CCT5: variants seen among roughly 807,000 people sequenced by gnomAD.
The protein encoded by CCT5 is chaperonin containing TCP1 subunit 5, also known as T-complex protein 1 subunit epsilon.
In CCT5, 6 loss-of-function variants were observed where a neutral mutation model predicts 55.0. The ratio of observed to expected loss-of-function variants is 0.11; its 90% CI spans 0.06 to 0.22. CCT5 has a LOEUF of 0.22. Ranked by LOEUF, CCT5 falls within the 10% of genes least tolerant of loss-of-function variation. The pLI is 1.00. For synonymous variants in CCT5, 231 were observed against 243.7 expected (o/e 0.95, Z 0.49); for missense variants, 560 against 694.6 (o/e 0.81, Z 2.18).
chr5:10,258,669 G>C, intron 6 of CCT5, 134 bp downstream of exon 6: 1 of 802,594 alleles, frequency 1.2e-6, no homozygotes, highest in Non-Finnish European at 2.1e-6. Flanking sequence ...GCATAGAAAG[G>C]CATAAACAGG....
At chr5:10,257,855 A>G (rs1745758875) in intron 4 of CCT5, 1 of 532,008 alleles carries the variant, frequency 1.9e-6, no homozygotes, top group Non-Finnish European at 3.4e-6. Context: ...ATGGAAGGAA[A>G]TAGTAAATTT....
In CCT5 at chr5:10,265,639, A is replaced by C. The variant is rs72738998; in HGVS notation, c.*856A>C. 0.028 allele frequency: 4,228 copies of C among 152,222 alleles called. 68 individuals carry two copies. Among genetic ancestry groups the C allele is most frequent in the Middle Eastern group, 0.058 (17 of 294 alleles). 9.4% of individuals were successfully genotyped at this position (152,222 alleles called of 1,614,324 possible). A position where few individuals can be genotyped will look rare whatever the true frequency, so the allele number is the denominator to read the frequency against. The stretch of plus-strand genomic sequence containing the variant: ...GATTGTCTGTTCTGACAACCCAGTG[A>C]GGCAGATACACTTTCTTACTGCTCA... On this transcript the variant is annotated 3_prime_UTR_variant, in exon 11 of 11. Transcript: ENST00000280326.
intron 3 of CCT5, 42 bp downstream of exon 3, chr5:10,254,880 A>T (rs375354833): frequency 6.5e-7 from 1 of 1,534,298 alleles, no homozygotes; most frequent in South Asian, 1.1e-5. Flanking sequence ...AAGAGACGTC[A>T]TTTAAGACCA....
At chr5:10,256,713 G>T (rs997373815) in intron 4 of CCT5, among the ~76,000 whole-genome samples, 1 of 149,408 alleles carries the variant, frequency 6.7e-6, no homozygotes, top group African/African-American at 2.4e-5. Context: ...CAACTAGAAA[G>T]GGTCCTACCT....
intron 1 of CCT5, 106 bp downstream of exon 1, chr5:10,250,551 A>G (rs1745330557): frequency 4.6e-6 from 7 of 1,536,924 alleles, no homozygotes; most frequent in Non-Finnish European, 6.1e-6. Context: ...GCTCCCCGGA[A>G]AGGTCGAGAA....
upstream of CCT5, chr5:10,249,928 A>AAAAAAC: frequency 3.4e-6 from 3 of 883,182 alleles, no homozygotes; most frequent in Non-Finnish European, 2.8e-6. Context: ...AAAAAAAAAA[A>AAAAAAC]AAAAAACCGG....
intron 1 of CCT5, chr5:10,250,886 T>G: frequency 1.9e-6 from 2 of 1,040,278 alleles, no homozygotes; most frequent in Non-Finnish European, 2.3e-6. Flanking sequence ...TCTTTGTCAC[T>G]CGTAAAGGTG....
chr5:10,261,923 A>G (rs550566762), intron 8 of CCT5, 178 bp downstream of exon 8: 52 of 686,246 alleles, frequency 7.6e-5, no homozygotes, highest in Admixed American at 2.7e-4. Flanking sequence ...TAATTTCACA[A>G]GGCACATTTG....
rs567198552 is a variant in CCT5 at position 10,253,671 on chromosome 5, T to C, written c.106-474T>C. ...TCTGCAGATGGGGAACCCGCAGATGTACAAGCCTAGATGCAAGGGACTTGA... is the reference window on the plus strand; with the variant it reads ...TCTGCAGATGGGGAACCCGCAGATGCACAAGCCTAGATGCAAGGGACTTGA... On this transcript the variant is annotated intron_variant, in intron 1 of 10. Transcript: ENST00000280326. Among the ~76,000 whole-genome samples the C allele has an allele frequency of 6.6e-5, 10 of 152,346 alleles. No homozygotes were observed. The East Asian group carries it at 1.9e-3, about 29-fold the overall frequency.
intron 1 of CCT5, among the ~76,000 whole-genome samples, chr5:10,252,093 A>G (rs1745451603): frequency 6.6e-6 from 1 of 152,248 alleles, no homozygotes; most frequent in Non-Finnish European, 1.5e-5. Flanking sequence ...CAAGTTTGGC[A>G]TATTGACATT....
chr5:10,260,362 G>C (rs990461850), intron 6 of CCT5, among the ~76,000 whole-genome samples: 58 of 152,242 alleles, frequency 3.8e-4, no homozygotes, highest in African/African-American at 1.4e-3. Flanking sequence ...GTCCACTCAG[G>C]TGAGACAGTC....
intron 8 of CCT5, chr5:10,262,202 A>G (rs1325971754): frequency 2.2e-6 from 1 of 450,818 alleles, no homozygotes. Context: ...TTCTTTGAGA[A>G]TGAGTTTTTA....
chr5:10,257,516 T>G (rs535176350), intron 4 of CCT5, among the ~76,000 whole-genome samples: 1 of 152,262 alleles, frequency 6.6e-6, no homozygotes, highest in Non-Finnish European at 1.5e-5. Context: ...TTTCAAGTGC[T>G]AGGTTTCCCT....
intron 1 of CCT5, among the ~76,000 whole-genome samples, chr5:10,251,312 C>G (rs1745397146): frequency 6.6e-6 from 1 of 152,148 alleles, no homozygotes; most frequent in Non-Finnish European, 1.5e-5. Context: ...TAGAGCTGCA[C>G]TTCAGGCAGC....
intron 7 of CCT5, 101 bp downstream of exon 7, chr5:10,261,012 G>A: frequency 8.0e-7 from 1 of 1,254,900 alleles, no homozygotes; most frequent in East Asian, 2.3e-5. Context: ...ATCACACCAA[G>A]GCTGGCAGAT....
chr5:10,262,674 T>C, intron 9 of CCT5, 56 bp downstream of exon 9: 3 of 1,592,666 alleles, frequency 1.9e-6, no homozygotes, highest in South Asian at 1.1e-5. Context: ...TGGTGGAGAC[T>C]GTGAAGCTGC....
intron 1 of CCT5, chr5:10,250,688 G>T (rs1745344566): frequency 1.4e-6 from 2 of 1,386,088 alleles, no homozygotes; most frequent in Admixed American, 3.1e-5. Context: ...TCGGAGCTGG[G>T]TGGGGCCGCT....
At chr5:10,263,088 G>C (rs750412697) in intron 9 of CCT5, 46 bp from the exon 10 acceptor site, 10 of 1,554,628 alleles carry the variant, frequency 6.4e-6, no homozygotes, top group Non-Finnish European at 8.9e-6. Context: ...CCGCTGGGTT[G>C]TTTTGTTTCG....
chr5:10,249,930 A>AG, upstream of CCT5: 19 of 756,000 alleles, frequency 2.5e-5, no homozygotes, highest in South Asian at 2.0e-4. Flanking sequence ...AAAAAAAAAA[A>AG]AAAACCGGAA....
Sources: allele counts gnomAD v4.1 joint callset (sites outside exome capture counted in the v4.1 genomes callset), GRCh38; gene constraint gnomAD v4.1.1; transcripts MANE v1.5; gene names NCBI Gene and HGNC (gene_info 2026-07-23, HGNC 2026-07-21).